Variants in RABEP1 observed in about 807,000 individuals in gnomAD.
RABEP1 encodes rabaptin, RAB GTPase binding effector protein 1.
A neutral mutation model predicts 123.4 loss-of-function variants in RABEP1; 51 were observed. The observed-to-expected ratio is 0.41, with a 90% CI of 0.33 to 0.52. The LOEUF is 0.52. Among genes scored for constraint, RABEP1 ranks in the 20% least tolerant of loss-of-function variants. RABEP1 has a pLI of 0.16. For missense variants in RABEP1, 888 were observed against 996.3 expected (o/e 0.89, Z 1.46); for synonymous variants, 347 against 355.2 (o/e 0.98, Z 0.26).
chr17:5,369,996 G>T (rs771220762), intron 12 of RABEP1, among the ~76,000 whole-genome samples: 4 of 152,136 alleles, frequency 2.6e-5, no homozygotes, highest in Non-Finnish European at 5.9e-5. Context: ...ACTGTGCCCG[G>T]CCTCCTTCTT....
intron 2 of RABEP1, among the ~76,000 whole-genome samples, chr17:5,325,796 A>G (rs184930388): frequency 6.6e-6 from 1 of 152,216 alleles, no homozygotes; most frequent in Non-Finnish European, 1.5e-5. Context: ...AGTTACATTA[A>G]TGTATTATCA....
At chr17:5,359,571 T>G (rs998039128) in intron 8 of RABEP1, among the ~76,000 whole-genome samples, 2 of 152,172 alleles carry the variant, frequency 1.3e-5, no homozygotes, top group Non-Finnish European at 2.9e-5. Context: ...TATACGAGAT[T>G]TGTGTTCTTA....
chr17:5,296,152 TGTA>T (rs1455505547), intron 1 of RABEP1, among the ~76,000 whole-genome samples: 1 of 152,194 alleles, frequency 6.6e-6, no homozygotes, highest in African/African-American at 2.4e-5. Context: ...GGATTGTTAT[TGTA>T]GTATGTAGCT....
chr17:5,360,851 G>T, intron 8 of RABEP1: 1 of 235,848 alleles, frequency 4.2e-6, no homozygotes. Flanking sequence ...AATTGCAGGT[G>T]ACGTTCCTCA....
At chr17:5,367,736 T>C (rs1368282736) in intron 11 of RABEP1, among the ~76,000 whole-genome samples, 2 of 151,008 alleles carry the variant, frequency 1.3e-5, no homozygotes, top group African/African-American at 4.8e-5. Flanking sequence ...CTGTGATTTA[T>C]GTGAAATAAA....
chr17:5,353,130 T>TC (rs1239454243), intron 7 of RABEP1, among the ~76,000 whole-genome samples: 2 of 152,202 alleles, frequency 1.3e-5, no homozygotes, highest in Non-Finnish European at 2.9e-5. Context: ...GTCCTTTACT[T>TC]CTCATGTGCC....
At chr17:5,313,455 C>T (rs2075264585) in intron 2 of RABEP1, among the ~76,000 whole-genome samples, 1 of 152,100 alleles carries the variant, frequency 6.6e-6, no homozygotes, top group African/African-American at 2.4e-5. Flanking sequence ...TCTCTGTCCC[C>T]AATAAAACTG....
At chr17:5,360,300 C>T (rs887454503) in intron 8 of RABEP1, among the ~76,000 whole-genome samples, 5 of 152,248 alleles carry the variant, frequency 3.3e-5, no homozygotes, top group African/African-American at 1.2e-4. Context: ...CGGTGGCTCA[C>T]GCCTGTAATC....
chr17:5,364,049 A>G (rs886908378), intron 10 of RABEP1, among the ~76,000 whole-genome samples: 9 of 152,192 alleles, frequency 5.9e-5, no homozygotes, highest in Non-Finnish European at 1.3e-4. Context: ...ATGGTTTAAT[A>G]TTTTCAAATG....
intron 2 of RABEP1, among the ~76,000 whole-genome samples, chr17:5,309,756 A>G (rs2075217542): frequency 6.6e-6 from 1 of 152,126 alleles, no homozygotes. Context: ...TTACCTTCTG[A>G]GTATCGACCT....
chr17:5,293,329 A>G (rs1055078925), intron 1 of RABEP1, among the ~76,000 whole-genome samples: 7 of 151,992 alleles, frequency 4.6e-5, no homozygotes, highest in African/African-American at 9.7e-5. Context: ...CTCTCTATAT[A>G]TATCTCTTTG....
intron 2 of RABEP1, among the ~76,000 whole-genome samples, chr17:5,327,164 A>G (rs1042030750): frequency 6.6e-6 from 1 of 152,194 alleles, no homozygotes; most frequent in African/African-American, 2.4e-5. Context: ...CCTGGCCAAC[A>G]TGGCGACACT....
rs1167642521 is a variant in RABEP1, at chr17:5,368,375, T to G, written c.1791T>G (p.Ser597=). ...ATACATGTGTTTTTTTAAAGATCTC[T>G]GCACTCGTCCTAAGAGCCCAGGCCT... The part of the protein sequence containing the change: ...QSSEDSSHQI[S]ALVLRAQASE... The change falls in exon 12 of 18, where the codon TCT becomes TCG. Residue 597 remains serine (S), a synonymous_variant. Coordinates refer to ENST00000537505, the MANE Select transcript of RABEP1 (RefSeq NM_004703.6). The G allele has an allele frequency of 3.1e-6, 5 of 1,610,908 alleles. No individual in the cohort carries two copies. Among genetic ancestry groups the G allele is most frequent in the Non-Finnish European group, 3.4e-6 (4 of 1,177,682 alleles).
rs1179854902 is a variant in RABEP1 at position 5,316,694 on chromosome 17, G to A, written c.163+7872G>A. On this transcript the variant is annotated intron_variant, in intron 2 of 17. Coordinates refer to ENST00000537505, the MANE Select transcript of RABEP1 (RefSeq NM_004703.6). ...CTAGAAATGCAAAAATTAGCTGGGC[G>A]TGGTGGCAGGCGCTTGTAATCCCAC... Among the ~76,000 whole-genome samples the A allele has an allele frequency of 2.7e-5, 4 of 150,778 alleles. No homozygotes were observed. In the East Asian group the frequency reaches 7.8e-4, roughly 30 times the overall value.
intron 2 of RABEP1, among the ~76,000 whole-genome samples, chr17:5,315,148 A>T (rs1300761808): frequency 6.6e-6 from 1 of 152,232 alleles, no homozygotes; most frequent in Non-Finnish European, 1.5e-5. Context: ...GTGAAAAGCT[A>T]GATTTAGGAA....
intron 12 of RABEP1, among the ~76,000 whole-genome samples, chr17:5,372,721 G>C (rs928838229): frequency 2.0e-5 from 3 of 152,050 alleles, no homozygotes; most frequent in Non-Finnish European, 2.9e-5. Flanking sequence ...AGAGATCCTG[G>C]TCCTTCTGTA....
At chr17:5,306,880 A>G (rs1483664591) in intron 1 of RABEP1, among the ~76,000 whole-genome samples, 6 of 152,358 alleles carry the variant, frequency 3.9e-5, no homozygotes, top group South Asian at 2.1e-4. Context: ...TCCTCTAGTG[A>G]AAGTTGAAAG....
In RABEP1 at chr17:5,282,312, T is replaced by C; in HGVS notation, c.-175T>C. ...AGGATGAGGAGGCGGAGGTCGGCGG[T>C]CGGGTCCGTCTCTGCCCGCGGCTGT... On this transcript the variant is annotated 5_prime_UTR_variant, in exon 1 of 18. Transcript: ENST00000537505. The C allele has an allele frequency of 2.3e-6, 1 of 431,736 alleles. No individual in the cohort carries two copies. The highest frequency in any genetic ancestry group is 3.9e-6 in the Non-Finnish European group (1 of 254,866). The allele number at this position is 431,736 out of a possible 1,614,324, so 26.7% of individuals were successfully genotyped here. A position where few individuals can be genotyped will look rare whatever the true frequency, so the allele number is the denominator to read the frequency against.
At chr17:5,291,237 C>T (rs1015854276) in intron 1 of RABEP1, among the ~76,000 whole-genome samples, 7 of 152,094 alleles carry the variant, frequency 4.6e-5, no homozygotes, top group South Asian at 2.1e-4. Context: ...AGTGAAACCC[C>T]GTCTCTACTA....
Sources: allele counts gnomAD v4.1 joint callset (sites outside exome capture counted in the v4.1 genomes callset), GRCh38; gene constraint gnomAD v4.1.1; transcripts MANE v1.5; gene names NCBI Gene and HGNC (gene_info 2026-07-23, HGNC 2026-07-21).